PLAC8: variants seen among roughly 807,000 people sequenced by gnomAD.
PLAC8 encodes the protein placenta associated 8.
Under a neutral mutation model 12.6 loss-of-function variants are expected in PLAC8, and 6 were observed. The ratio of observed to expected loss-of-function variants is 0.48; its 90% CI spans 0.26 to 0.94. The LOEUF (loss-of-function observed/expected upper bound fraction) is 0.94. Among genes scored for constraint, PLAC8 ranks in the 40% least tolerant of loss-of-function variants. The pLI is 0.14. For synonymous variants in PLAC8, 54 were observed against 52.6 expected, an observed-to-expected ratio of 1.03 and a Z score of -0.11; for missense variants, 122 against 152.7, an observed-to-expected ratio of 0.80 and a Z score of 1.06.
At chr4:83,104,007 A>T (rs1732176683) in intron 3 of PLAC8, among the ~76,000 whole-genome samples, 1 of 152,130 alleles carries the variant, frequency 6.6e-6, no homozygotes, top group Admixed American at 6.6e-5. Flanking sequence ...CAGTCACCCC[A>T]ACCTTCAGTA....
chr4:83,096,231 G>A (rs1451778584), intron 3 of PLAC8, among the ~76,000 whole-genome samples: 1 of 152,158 alleles, frequency 6.6e-6, no homozygotes, highest in African/African-American at 2.4e-5. Context: ...GAAGTAAGAT[G>A]GAGTCAGTTA....
At chr4:83,107,450 T>C (rs1215141719) in intron 2 of PLAC8, among the ~76,000 whole-genome samples, 1 of 151,916 alleles carries the variant, frequency 6.6e-6, no homozygotes, top group African/African-American at 2.4e-5. Flanking sequence ...TCTAAAAAAA[T>C]CAAGTTCAAC....
At chr4:83,094,900 T>C in intron 3 of PLAC8, 109 bp from the exon 4 acceptor site, 1 of 551,934 alleles carries the variant, frequency 1.8e-6, no homozygotes, top group Non-Finnish European at 3.2e-6. Flanking sequence ...GATTCAGAGT[T>C]TGGATGGATA....
At chr4:83,100,262 C>A (rs1732061561) in intron 3 of PLAC8, among the ~76,000 whole-genome samples, 1 of 142,832 alleles carries the variant, frequency 7.0e-6, no homozygotes. Context: ...GCCTGGGTGA[C>A]AGAGCGAGAC....
chr4:83,105,199 A>C (rs979644843), intron 2 of PLAC8, among the ~76,000 whole-genome samples, 179 bp from the exon 3 acceptor site: 1 of 152,240 alleles, frequency 6.6e-6, no homozygotes, highest in African/African-American at 2.4e-5. Flanking sequence ...CCACCCGCAA[A>C]TCATTTCAGG....
At chr4:83,107,219 A>C (rs1312278298) in intron 2 of PLAC8, among the ~76,000 whole-genome samples, 7 of 125,050 alleles carry the variant, frequency 5.6e-5, no homozygotes, top group African/African-American at 1.5e-4. Context: ...ACAAAAAAAA[A>C]AAACAAAAAA....
intron 1 of PLAC8, among the ~76,000 whole-genome samples, chr4:83,110,126 G>T (rs1443641628): frequency 6.6e-6 from 1 of 152,180 alleles, no homozygotes; most frequent in East Asian, 1.9e-4. Context: ...GGCACCCGCC[G>T]CTCTGTCGCT....
chr4:83,099,752 C>T (rs1365841245), intron 3 of PLAC8, among the ~76,000 whole-genome samples: 2 of 151,218 alleles, frequency 1.3e-5, no homozygotes, highest in Non-Finnish European at 2.9e-5. Context: ...AATCCCAGCA[C>T]TTTGGAAGGC....
At chr4:83,092,810 C>CTTTTTTT (rs70946966) in intron 4 of PLAC8, 3 of 84,868 alleles carry the variant, frequency 3.5e-5, no homozygotes, top group Non-Finnish European at 6.6e-5. Context: ...TTTTCTTTTC[C>CTTTTTTT]TTTTTTTTTT....
At chr4:83,099,912 A>G (rs1424316063) in intron 3 of PLAC8, among the ~76,000 whole-genome samples, 1 of 151,540 alleles carries the variant, frequency 6.6e-6, no homozygotes, top group Non-Finnish European at 1.5e-5. Context: ...AGGCTGAGGC[A>G]GGAAAATTGC....
intron 1 of PLAC8, among the ~76,000 whole-genome samples, chr4:83,112,509 C>G (rs1210064718): frequency 2.0e-5 from 3 of 152,088 alleles, no homozygotes; most frequent in Non-Finnish European, 4.4e-5. Flanking sequence ...CTTTCTAGCA[C>G]AGATTACCTA....
intron 3 of PLAC8, among the ~76,000 whole-genome samples, chr4:83,104,436 G>T (rs1469102254): frequency 6.6e-6 from 1 of 152,144 alleles, no homozygotes; most frequent in Non-Finnish European, 1.5e-5. Flanking sequence ...TACACAAAGT[G>T]GAGTTGGTGT....
At chr4:83,096,733 A>G (rs1219750152) in intron 3 of PLAC8, among the ~76,000 whole-genome samples, 1 of 152,214 alleles carries the variant, frequency 6.6e-6, no homozygotes, top group Admixed American at 6.5e-5. Context: ...AGGTCATACT[A>G]TCCTATAACT....
chr4:83,107,867 G>T lies in PLAC8; in HGVS notation c.55C>A (p.Pro19Thr), dbSNP rs777305697. Residue 19 changes from proline (P) to threonine (T), a missense_variant, in exon 2 of 5, where the codon CCG becomes ACG. Pro to Thr is a conservative substitution (Grantham distance 38, BLOSUM62 -1). Transcript: ENST00000311507. Reference protein sequence around the residue: ...VVTQPGVGPGPAPQNSNWQTG... With the variant: ...VVTQPGVGPGTAPQNSNWQTG... Reference sequence around the variant, plus strand: ...TGCCAGTTGGAGTTCTGGGGGGCCGGACCGGGACCGACTCCAGGTTGGGTC... The same window carrying T: ...TGCCAGTTGGAGTTCTGGGGGGCCGTACCGGGACCGACTCCAGGTTGGGTC... 3.1e-6 allele frequency: 5 copies of T among 1,603,824 alleles called. No individual in the cohort carries two copies. The highest frequency in any genetic ancestry group is 4.3e-6 in the Non-Finnish European group (5 of 1,174,380).
rs776474574 is a variant in PLAC8 at position 83,106,245 on chromosome 4, C to T, written c.119-1225G>A. Among the ~76,000 whole-genome samples, 217 of 151,974 alleles carry T rather than the reference C, an allele frequency of 1.4e-3. 2 individuals are homozygous for T. The highest frequency in any genetic ancestry group is 6.8e-3 in the Middle Eastern group (2 of 294). ...TGAACTCCTGACCTTGTGATCTGCC[C>T]GCCTTGGCCTCCCAAAGTGCTGGGA... On this transcript the variant is annotated intron_variant, in intron 2 of 4. Coordinates refer to ENST00000311507, the MANE Select transcript of PLAC8 (RefSeq NM_016619.3).
At chr4:83,097,868 T>TTTG (rs1307830127) in intron 3 of PLAC8, among the ~76,000 whole-genome samples, 1 of 150,696 alleles carries the variant, frequency 6.6e-6, no homozygotes, top group Non-Finnish European at 1.5e-5. Context: ...GGGTTTTTTT[T>TTTG]TTTTTTTTTG....
Position 83,106,241 on chromosome 4 carries a change from T to C in PLAC8, c.119-1221A>G, listed in dbSNP as rs562015372. Among the ~76,000 whole-genome samples, 12 of 151,980 alleles carry C rather than the reference T, an allele frequency of 7.9e-5. No homozygotes were observed. The East Asian group carries it at 2.4e-3, about 30-fold the overall frequency. On this transcript the variant is annotated intron_variant, in intron 2 of 4. Transcript: ENST00000311507. ...GTCTTGAACTCCTGACCTTGTGATC[T>C]GCCCGCCTTGGCCTCCCAAAGTGCT... is the stretch of plus-strand genomic sequence containing the variant.
chr4:83,112,919 G>A (rs1732457425), intron 1 of PLAC8, among the ~76,000 whole-genome samples: 2 of 152,148 alleles, frequency 1.3e-5, no homozygotes, highest in African/African-American at 4.8e-5. Flanking sequence ...AGAGTTCCTA[G>A]GACCTTAGGT....
At chr4:83,109,398 G>A (rs1174163440) in intron 1 of PLAC8, among the ~76,000 whole-genome samples, 1 of 152,058 alleles carries the variant, frequency 6.6e-6, no homozygotes, top group African/African-American at 2.4e-5. Context: ...AGAAGGAGGC[G>A]GACCCATCTG....
Sources: gnomAD v4.1 joint callset for allele counts (sites outside exome capture counted in the v4.1 genomes callset) on GRCh38, gnomAD v4.1.1 for gene constraint, MANE v1.5 for transcripts, NCBI Gene and HGNC (gene_info 2026-07-23, HGNC 2026-07-21) for gene names.